Variants in SLC20A2 observed in about 807,000 individuals in gnomAD.
SLC20A2 encodes solute carrier family 20 member 2.
A neutral mutation model predicts 61.0 loss-of-function variants in SLC20A2; 30 were observed. The ratio of observed to expected loss-of-function variants is 0.49; its 90% confidence interval spans 0.37 to 0.67. The LOEUF is 0.67. SLC20A2 is among the 30% of genes least tolerant of loss of function. The probability of loss-of-function intolerance (pLI) is 0.00; values close to 1 mark genes in which losing one functional copy is unlikely to be tolerated. For missense variants in SLC20A2, 626 were observed against 866.4 expected (o/e 0.72, Z 3.48); for synonymous variants, 351 against 353.3 (o/e 0.99, Z 0.07).
At chr8:42,418,058 T>G in intron 10 of SLC20A2, 91 bp from the exon 11 acceptor site, 42 of 998,294 alleles carry the variant, frequency 4.2e-5, no homozygotes, top group Non-Finnish European at 5.2e-5. Flanking sequence ...AAACAAGCTC[T>G]AGTACAACAT....
intron 1 of SLC20A2, chr8:42,484,707 T>C: frequency 5.2e-6 from 2 of 380,976 alleles, no homozygotes; most frequent in South Asian, 4.8e-5. Context: ...TGTGGGTGGG[T>C]GTGGTCTATG....
chr8:42,508,274 T>C (rs1468298015), intron 1 of SLC20A2, among the ~76,000 whole-genome samples: 1 of 151,986 alleles, frequency 6.6e-6, no homozygotes, highest in African/African-American at 2.4e-5. Context: ...AGGCCAGGAG[T>C]CCCAGACCAG....
At position 42,540,113 on chromosome 8, in the gene SLC20A2, G is replaced by A. The variant is rs943536739; in HGVS notation, c.-265+1708C>T. Among the ~76,000 whole-genome samples the A allele has an allele frequency of 2.6e-5, 4 of 152,134 alleles. 1 individual carries two copies. Among genetic ancestry groups the A allele is most frequent in the Non-Finnish European group, 5.9e-5 (4 of 68,022 alleles). On this transcript the variant is annotated intron_variant, in intron 1 of 10. Transcript: ENST00000342228. ...TCGAGACCAGCCTAGCCAACATGGT[G>A]AAACTCCGTCTCTACTAAAAATACA...
intron 4 of SLC20A2, chr8:42,460,255 G>A (rs964253172): frequency 4.4e-5 from 14 of 315,042 alleles, no homozygotes; most frequent in East Asian, 1.2e-4. Flanking sequence ...GGAATCACAT[G>A]AGCTGATGTC....
At chr8:42,500,736 C>T (rs1810264168) in intron 1 of SLC20A2, among the ~76,000 whole-genome samples, 2 of 152,120 alleles carry the variant, frequency 1.3e-5, no homozygotes, top group Admixed American at 6.6e-5. Flanking sequence ...TCTGTATTTA[C>T]AGAAACCATA....
chr8:42,472,479 T>C lies in SLC20A2; in HGVS notation c.-89A>G, dbSNP rs185590768. Reference sequence around the variant, plus strand: ...GTTATAAACTTCGTAAGGCCAAGAGTTCTTGTAAACAGTGAGTTTGCTCTG... The same window carrying C: ...GTTATAAACTTCGTAAGGCCAAGAGCTCTTGTAAACAGTGAGTTTGCTCTG... On this transcript the variant is annotated 5_prime_UTR_variant, in exon 2 of 11. Coordinates refer to ENST00000520262, the MANE Select transcript of SLC20A2 (RefSeq NM_001257180.2). This position sits in a 1 kb window ranked among gnomAD's most constrained non-coding sequence, Gnocchi z 4.1. 869 of 1,229,436 alleles carry C rather than the reference T, an allele frequency of 7.1e-4. 4 individuals carry two copies. Among genetic ancestry groups the C allele is most frequent in the Non-Finnish European group, 7.1e-4 (629 of 880,422 alleles). The allele number at this position is 1,229,436 out of a possible 1,614,324, so 76.2% of individuals were successfully genotyped here. A position where few individuals can be genotyped will look rare whatever the true frequency, so the allele number is the denominator to read the frequency against.
At chr8:42,425,828 G>T (rs1803371854) in intron 10 of SLC20A2, among the ~76,000 whole-genome samples, 1 of 152,028 alleles carries the variant, frequency 6.6e-6, no homozygotes, top group Admixed American at 6.6e-5. Flanking sequence ...GGATCACGAG[G>T]TCAGGAGATC....
At chr8:42,521,281 C>T (rs1358158672) in intron 1 of SLC20A2, among the ~76,000 whole-genome samples, 2 of 121,406 alleles carry the variant, frequency 1.6e-5, no homozygotes, top group African/African-American at 5.1e-5. Flanking sequence ...TAACAAACTG[C>T]TGATACTCAG....
chr8:42,463,605 T>A (rs1365202989), intron 3 of SLC20A2, among the ~76,000 whole-genome samples: 1 of 152,194 alleles, frequency 6.6e-6, no homozygotes, highest in Non-Finnish European at 1.5e-5. Context: ...TGGAACCATC[T>A]GGGGCATTTT....
At chr8:42,481,782 CT>C (rs1353713571) in intron 1 of SLC20A2, among the ~76,000 whole-genome samples, 19 of 152,170 alleles carry the variant, frequency 1.2e-4, no homozygotes, top group African/African-American at 4.6e-4. Flanking sequence ...AACAGACTTA[CT>C]TTGGCGTTTG....
chr8:42,465,590 T>C (rs1249846345), intron 3 of SLC20A2, among the ~76,000 whole-genome samples, 187 bp downstream of exon 3: 2 of 150,492 alleles, frequency 1.3e-5, no homozygotes, highest in Non-Finnish European at 3.0e-5. Flanking sequence ...ACTCAGGAGG[T>C]TGAGGCAGGA....
rs551264792 is a variant in SLC20A2 at position 42,495,446 on chromosome 8, G to A, written c.-265+5585C>T. The stretch of plus-strand genomic sequence containing the variant: ...AGCTCCCTGTGCCCTCTGGAGTGGG[G>A]AGACACGTCGATCTTATCTCTGTAC... On this transcript the variant is annotated intron_variant, in intron 1 of 10. Coordinates refer to ENST00000520262, the MANE Select transcript of SLC20A2 (RefSeq NM_001257180.2). Among the ~76,000 whole-genome samples, 4 of 152,286 alleles carry A rather than the reference G, an allele frequency of 2.6e-5. No individual in the cohort carries two copies. The South Asian group carries it at 8.3e-4, about 32-fold the overall frequency.
chr8:42,427,613 G>A (rs1370091518), intron 10 of SLC20A2, among the ~76,000 whole-genome samples: 1 of 152,172 alleles, frequency 6.6e-6, no homozygotes, highest in East Asian at 1.9e-4. Flanking sequence ...TCTGTATATG[G>A]TAGCAAAAAA....
At chr8:42,445,682 G>A (rs577432797) in intron 5 of SLC20A2, among the ~76,000 whole-genome samples, 6 of 152,260 alleles carry the variant, frequency 3.9e-5, no homozygotes, top group East Asian at 1.9e-4. Context: ...AGCTGAGATC[G>A]CGCCATTGCA....
chr8:42,470,328 C>T (rs2131217423), intron 2 of SLC20A2, among the ~76,000 whole-genome samples: 1 of 151,984 alleles, frequency 6.6e-6, no homozygotes, highest in South Asian at 2.1e-4. Context: ...AGCAATCCTC[C>T]CACTTCAGCC....
intron 1 of SLC20A2, chr8:42,480,468 AT>A (rs1808474507): frequency 6.6e-6 from 1 of 152,180 alleles, no homozygotes; most frequent in Admixed American, 6.5e-5. Context: ...CCATGAATCT[AT>A]TTATGTTTTC....
chr8:42,447,593 G>A (rs930398412), intron 5 of SLC20A2, among the ~76,000 whole-genome samples: 25 of 151,602 alleles, frequency 1.6e-4, no homozygotes, highest in Admixed American at 1.3e-3. Flanking sequence ...CAGGAGAATG[G>A]CATGAACCCG....
chr8:42,436,815 C>T (rs1201801238), intron 8 of SLC20A2, among the ~76,000 whole-genome samples, 174 bp downstream of exon 8: 1 of 152,232 alleles, frequency 6.6e-6, no homozygotes, highest in Non-Finnish European at 1.5e-5. Flanking sequence ...GTTAACACTG[C>T]TCGCTGTCCC....
chr8:42,504,268 T>C (rs999836215), upstream of SLC20A2, among the ~76,000 whole-genome samples: 1 of 152,160 alleles, frequency 6.6e-6, no homozygotes, highest in Non-Finnish European at 1.5e-5. Context: ...TTTGAAATAA[T>C]ATGCAAAATA....
Sources: allele counts gnomAD v4.1 joint callset (sites outside exome capture counted in the v4.1 genomes callset), GRCh38; gene constraint gnomAD v4.1.1; non-coding constraint Gnocchi (gnomAD v3.1); transcripts MANE v1.5; gene names NCBI Gene and HGNC (gene_info 2026-07-23, HGNC 2026-07-21).